Variants in GRM8 observed in about 807,000 individuals in gnomAD.
GRM8 encodes glutamate metabotropic receptor 8, also known as metabotropic glutamate receptor 8.
In GRM8, 47 loss-of-function variants were observed where a neutral mutation model predicts 87.2. The ratio of observed to expected loss-of-function variants is 0.54; its 90% CI spans 0.43 to 0.69. GRM8 has a LOEUF of 0.69. GRM8 is among the 30% of genes least tolerant of loss of function. The pLI is 0.00. For missense variants in GRM8, 1,019 were observed against 1,139.2 expected (o/e 0.89, Z 1.52); for synonymous variants, 396 against 404.5 (o/e 0.98, Z 0.25).
chr7:127,121,224 T>G (rs975827059), intron 2 of GRM8, among the ~76,000 whole-genome samples: 1 of 152,228 alleles, frequency 6.6e-6, no homozygotes, highest in African/African-American at 2.4e-5. Flanking sequence ...CAAGCCTGCA[T>G]GTCTTGGCGA....
chr7:127,216,510 T>A, intron 2 of GRM8, among the ~76,000 whole-genome samples: 1 of 97,078 alleles, frequency 1.0e-5, no homozygotes. Context: ...AGAGCGAGAC[T>A]CCGTCTCAAA....
intron 3 of GRM8, among the ~76,000 whole-genome samples, chr7:127,077,938 C>A (rs2237785): frequency 0.58 from 88,254 of 152,002 alleles, 26,553 homozygotes; most frequent in African/African-American, 0.68. Context: ...GGTACCGGAA[C>A]TTGACATGTA....
intron 6 of GRM8, among the ~76,000 whole-genome samples, chr7:126,848,339 A>G (rs1481953502): frequency 6.6e-6 from 1 of 152,162 alleles, no homozygotes; most frequent in Non-Finnish European, 1.5e-5. Context: ...GGCTGGTTTG[A>G]ATTGAGAAGT....
At chr7:126,951,784 T>C (rs1563348052) in intron 3 of GRM8, among the ~76,000 whole-genome samples, 3 of 152,020 alleles carry the variant, frequency 2.0e-5, no homozygotes, top group African/African-American at 7.2e-5. Flanking sequence ...AGGAAAAAGC[T>C]AAAAGTGAAC....
chr7:126,546,897 G>T (rs1209995398), intron 8 of GRM8, among the ~76,000 whole-genome samples: 2 of 152,106 alleles, frequency 1.3e-5, no homozygotes. Context: ...AAATCAAGGG[G>T]TTTTTTGGAT....
chr7:126,984,775 A>G (rs1308475724), intron 3 of GRM8, among the ~76,000 whole-genome samples: 2 of 152,180 alleles, frequency 1.3e-5, no homozygotes, highest in Non-Finnish European at 2.9e-5. Flanking sequence ...TTATCTATGG[A>G]ATCAAGTTTC....
At chr7:126,941,262 T>A (rs1806889486) in intron 3 of GRM8, among the ~76,000 whole-genome samples, 2 of 152,092 alleles carry the variant, frequency 1.3e-5, no homozygotes, top group South Asian at 4.2e-4. Context: ...AATCTTGCCA[T>A]AATCAAAGCA....
At position 126,957,237 on chromosome 7, in the gene GRM8, C is replaced by T. The variant is rs560976321; in HGVS notation, c.728-52554G>A. Among the ~76,000 whole-genome samples the T allele has an allele frequency of 5.3e-5, 8 of 152,256 alleles. No individual in the cohort carries two copies. The East Asian group carries it at 1.4e-3, about 26-fold the overall frequency. Reference sequence around the variant, plus strand: ...AAAGCATGGTAACTGAAAAAAAAGTCAAAAACCTTTAATATAAAAGTCTCT... The same window carrying T: ...AAAGCATGGTAACTGAAAAAAAAGTTAAAAACCTTTAATATAAAAGTCTCT... On this transcript the variant is annotated intron_variant, in intron 3 of 10. Transcript: ENST00000339582.
chr7:127,072,188 A>T lies in GRM8; in HGVS notation c.727+34308T>A, dbSNP rs1020425629. Among the ~76,000 whole-genome samples, 3 of 152,074 alleles carry T rather than the reference A, an allele frequency of 2.0e-5. No individual in the cohort carries two copies. In the East Asian group the frequency reaches 5.8e-4, roughly 29 times the overall value. On this transcript the variant is annotated intron_variant, in intron 3 of 10. Transcript: ENST00000339582. ...ACCCAAACATCACCCTGTACACCCA[A>T]CTACCCTGTAGTCTCAGCTCAGCAA... is the stretch of plus-strand genomic sequence containing the variant.
At chr7:126,948,508 G>A (rs1807790662) in intron 3 of GRM8, among the ~76,000 whole-genome samples, 1 of 150,672 alleles carries the variant, frequency 6.6e-6, no homozygotes, top group Admixed American at 6.6e-5. Context: ...AAGGAAAGGA[G>A]TTTTGACTTT....
intron 2 of GRM8, among the ~76,000 whole-genome samples, chr7:127,166,555 C>T (rs1793466017): frequency 1.3e-5 from 2 of 152,072 alleles, no homozygotes; most frequent in African/African-American, 4.8e-5. Flanking sequence ...TTGGCTCATG[C>T]ACAAAACATT....
At chr7:126,612,840 C>G (rs1482599176) in intron 7 of GRM8, among the ~76,000 whole-genome samples, 1 of 152,184 alleles carries the variant, frequency 6.6e-6, no homozygotes, top group African/African-American at 2.4e-5. Flanking sequence ...ACATTATGAA[C>G]TTCATGTATA....
intron 6 of GRM8, among the ~76,000 whole-genome samples, chr7:126,798,286 A>C (rs1400308726): frequency 1.3e-5 from 2 of 152,174 alleles, no homozygotes; most frequent in Non-Finnish European, 2.9e-5. Flanking sequence ...GCATTTTACC[A>C]AGATAGAACA....
chr7:126,457,735 C>A (rs1378701428), intron 9 of GRM8, among the ~76,000 whole-genome samples: 2 of 146,478 alleles, frequency 1.4e-5, no homozygotes, highest in African/African-American at 2.5e-5. Flanking sequence ...TCTCAAAAAA[C>A]TAAAGAAAAG....
At chr7:126,536,914 A>C (rs1338140771) in intron 8 of GRM8, among the ~76,000 whole-genome samples, 1 of 152,194 alleles carries the variant, frequency 6.6e-6, no homozygotes, top group Admixed American at 6.5e-5. Flanking sequence ...CTTAAAGGTC[A>C]GTTTCTCTAA....
chr7:127,026,323 C>G (rs1012054430), intron 3 of GRM8, among the ~76,000 whole-genome samples: 2 of 152,064 alleles, frequency 1.3e-5, no homozygotes, highest in Non-Finnish European at 2.9e-5. Flanking sequence ...GTGCATGTGT[C>G]TTTATAGTAG....
intron 2 of GRM8, among the ~76,000 whole-genome samples, chr7:127,196,865 G>A (rs1795305994): frequency 6.6e-6 from 1 of 152,130 alleles, no homozygotes; most frequent in East Asian, 1.9e-4. Flanking sequence ...GACTAAATGA[G>A]CTAATACATT....
intron 3 of GRM8, among the ~76,000 whole-genome samples, chr7:126,988,436 A>G (rs1182298602): frequency 6.6e-6 from 1 of 152,240 alleles, no homozygotes; most frequent in African/African-American, 2.4e-5. Flanking sequence ...TAAGTGATAG[A>G]ATTTAGTTAT....
intron 7 of GRM8, among the ~76,000 whole-genome samples, chr7:126,761,058 C>G (rs867792193): frequency 3.3e-5 from 5 of 152,068 alleles, no homozygotes; most frequent in Non-Finnish European, 7.4e-5. Flanking sequence ...AATTAGCCGG[C>G]TTGGCGGCAT....
Sources: allele counts gnomAD v4.1 joint callset (sites outside exome capture counted in the v4.1 genomes callset), GRCh38; gene constraint gnomAD v4.1.1; transcripts MANE v1.5; gene names NCBI Gene and HGNC (gene_info 2026-07-23, HGNC 2026-07-21).